ARHGAP18: variants seen among roughly 807,000 people sequenced by gnomAD.
ARHGAP18 encodes Rho GTPase activating protein 18, also known as rho GTPase-activating protein 18.
A neutral mutation model predicts 86.2 loss-of-function variants in ARHGAP18; 67 were observed. The ratio of observed to expected loss-of-function variants is 0.78; its 90% confidence interval spans 0.64 to 0.95. The LOEUF is 0.95. Among genes scored for constraint, ARHGAP18 ranks in the 40% least tolerant of loss-of-function variants. ARHGAP18 has a pLI of 0.00. For synonymous variants in ARHGAP18, 283 were observed against 280.4 expected, an observed-to-expected ratio of 1.01 and a Z score of -0.09; for missense variants, 691 against 780.4, an observed-to-expected ratio of 0.89 and a Z score of 1.37.
intron 12 of ARHGAP18, chr6:129,596,680 C>A: frequency 6.6e-6 from 1 of 152,098 alleles, no homozygotes; most frequent in Non-Finnish European, 1.5e-5. Context: ...CAAAAGCTAC[C>A]CCCAGGCAAT....
intron 10 of ARHGAP18, among the ~76,000 whole-genome samples, chr6:129,603,636 A>G (rs1046726442): frequency 5.9e-5 from 9 of 152,204 alleles, no homozygotes; most frequent in Non-Finnish European, 1.3e-4. Flanking sequence ...AATGTATATA[A>G]TGAGCTTCTT....
chr6:129,664,705 G>C (rs927078331), intron 1 of ARHGAP18, among the ~76,000 whole-genome samples: 1 of 152,138 alleles, frequency 6.6e-6, no homozygotes, highest in African/African-American at 2.4e-5. Context: ...TAAATGCTGG[G>C]GATTTAGTAG....
chr6:129,707,818 A>G (rs1041588518), intron 1 of ARHGAP18, among the ~76,000 whole-genome samples: 2 of 151,810 alleles, frequency 1.3e-5, no homozygotes, highest in African/African-American at 4.8e-5. Context: ...TAGCCTTTTT[A>G]AGAGTTTTGT....
In ARHGAP18 at chr6:129,667,107, A is replaced by T. The variant is rs577174900; in HGVS notation, c.114-25089T>A. 2.4e-4 allele frequency among the ~76,000 whole-genome samples: 37 copies of T among 151,994 alleles called. No individual in the cohort carries two copies. The South Asian group carries it at 3.8e-3, about 15-fold the overall frequency. ...TAATACATTTTCATTTTATAAACTCATTTTTTTTAATCTAAAGGGAGTAAA... is the reference window on the plus strand; with the variant it reads ...TAATACATTTTCATTTTATAAACTCTTTTTTTTTAATCTAAAGGGAGTAAA... On this transcript the variant is annotated intron_variant, in intron 1 of 14. Coordinates refer to ENST00000368149, the MANE Select transcript of ARHGAP18 (RefSeq NM_033515.3).
chr6:129,612,023 A>T (rs1788990627), intron 7 of ARHGAP18, among the ~76,000 whole-genome samples: 1 of 152,230 alleles, frequency 6.6e-6, no homozygotes, highest in Non-Finnish European at 1.5e-5. Context: ...TCCAAGAAAG[A>T]ATTATTTATG....
chr6:129,605,852 T>C (rs1788841366), intron 10 of ARHGAP18, 25 bp downstream of exon 10: 1 of 1,588,442 alleles, frequency 6.3e-7, no homozygotes. Flanking sequence ...CTAAGGGATA[T>C]TTAATGTAAA....
Position 129,596,026 on chromosome 6 carries a change from T to C in ARHGAP18, c.1713+3190A>G, listed in dbSNP as rs376002663. ...GAACCACCATTATCTCTTACCTGGA[T>C]TACAAGAACCTCCCAAATGATCTCC... On this transcript the variant is annotated intron_variant, in intron 12 of 14. Coordinates refer to ENST00000368149, the MANE Select transcript of ARHGAP18 (RefSeq NM_033515.3). Among the ~76,000 whole-genome samples the C allele has an allele frequency of 2.9e-3, 442 of 152,268 alleles. 1 individual carries two copies. Among genetic ancestry groups the C allele is most frequent in the African/African-American group, 9.6e-3 (400 of 41,564 alleles).
intron 1 of ARHGAP18, among the ~76,000 whole-genome samples, chr6:129,654,110 G>C (rs1378665236): frequency 6.6e-6 from 1 of 152,184 alleles, no homozygotes; most frequent in East Asian, 1.9e-4. Flanking sequence ...GCTTTGTTTA[G>C]AGGATAGGAA....
intron 1 of ARHGAP18, chr6:129,662,018 G>A (rs1275221414): frequency 2.4e-5 from 18 of 735,818 alleles, no homozygotes; most frequent in Non-Finnish European, 3.0e-5. Context: ...GAAACCAAGG[G>A]CCCCTCCCAA....
In ARHGAP18 at chr6:129,607,983, C is replaced by CA; in HGVS notation, c.1191dup (p.Asp398Ter). The CA allele has an allele frequency of 6.3e-7, 1 of 1,584,746 alleles. No individual in the cohort carries two copies. The highest frequency in any genetic ancestry group is 8.6e-7 in the Non-Finnish European group (1 of 1,162,664). On this transcript the variant is annotated frameshift_variant, in exon 9 of 15. Coordinates refer to ENST00000368149, the MANE Select transcript of ARHGAP18 (RefSeq NM_033515.3). LOFTEE classifies it high-confidence loss of function. ...AAGAGCTTCAGCAGGCTGGCGGCAT[C>CA]ATGCTGTTTGACACTTTCCCAATTA...
intron 12 of ARHGAP18, among the ~76,000 whole-genome samples, chr6:129,591,766 T>A (rs192590306): frequency 9.8e-5 from 15 of 152,296 alleles, no homozygotes; most frequent in African/African-American, 2.9e-4. Context: ...AAAACCCTTT[T>A]TATCTTCAAA....
rs1270704953 is a variant in ARHGAP18 at position 129,625,749 on chromosome 6, A to C, written c.786+3604T>G. ...ATATATATTTATTATATATTTATAT[A>C]TTATATATTTATATATTATATATAT... On this transcript the variant is annotated intron_variant, in intron 5 of 14. Coordinates refer to ENST00000368149, the MANE Select transcript of ARHGAP18 (RefSeq NM_033515.3). Among the ~76,000 whole-genome samples the C allele has an allele frequency of 6.3e-5, 3 of 47,826 alleles. No homozygotes were observed. The East Asian group carries it at 2.3e-3, about 37-fold the overall frequency. The allele number at this position is 47,826 out of a possible 152,430, so 31.4% of individuals were successfully genotyped here. A position where few individuals can be genotyped will look rare whatever the true frequency, so the allele number is the denominator to read the frequency against.
Position 129,660,190 on chromosome 6 carries a change from A to C in ARHGAP18, c.114-18172T>G, listed in dbSNP as rs533836289. Among the ~76,000 whole-genome samples the C allele has an allele frequency of 1.1e-4, 16 of 152,338 alleles. No homozygotes were observed. In the South Asian group the frequency reaches 3.3e-3, roughly 32 times the overall value. On this transcript the variant is annotated intron_variant, in intron 1 of 14. Coordinates refer to ENST00000368149, the MANE Select transcript of ARHGAP18 (RefSeq NM_033515.3). Reference sequence around the variant, plus strand: ...TACGACAATGGAAAGTTTTTAAACAAGCAAATGTCACTATCAAATTCCTGT... The same window carrying C: ...TACGACAATGGAAAGTTTTTAAACACGCAAATGTCACTATCAAATTCCTGT...
intron 1 of ARHGAP18, among the ~76,000 whole-genome samples, chr6:129,707,064 TAAA>T (rs1165380517): frequency 7.1e-6 from 1 of 140,802 alleles, no homozygotes; most frequent in Admixed American, 7.1e-5. Flanking sequence ...CCGACTCCAC[TAAA>T]AAAAAAAAAT....
intron 1 of ARHGAP18, among the ~76,000 whole-genome samples, chr6:129,671,324 A>G (rs1774137391): frequency 6.6e-6 from 1 of 152,216 alleles, no homozygotes; most frequent in Non-Finnish European, 1.5e-5. Flanking sequence ...TTGGAAAAAA[A>G]TAAGATCAGA....
At chr6:129,642,127 C>T in intron 1 of ARHGAP18, 109 bp from the exon 2 acceptor site, 2 of 891,044 alleles carry the variant, frequency 2.2e-6, no homozygotes, top group South Asian at 3.2e-5. Flanking sequence ...TTAAGTTATC[C>T]TTAATAAAAC....
intron 3 of ARHGAP18, among the ~76,000 whole-genome samples, chr6:129,637,068 T>A (rs1193465159): frequency 1.3e-5 from 2 of 152,046 alleles, no homozygotes. Context: ...GTTGTTGTTG[T>A]TGTTGTTGTT....
At chr6:129,680,314 T>C (rs1369027934) in intron 1 of ARHGAP18, among the ~76,000 whole-genome samples, 2 of 152,180 alleles carry the variant, frequency 1.3e-5, no homozygotes, top group African/African-American at 4.8e-5. Context: ...GCTCCAAACA[T>C]ATCTGAAGAG....
chr6:129,662,044 C>T (rs1773964569), intron 1 of ARHGAP18: 1 of 361,976 alleles, frequency 2.8e-6, no homozygotes, highest in African/African-American at 2.2e-5. Context: ...ACGCAAGCTG[C>T]AGCTCTCTGA....
Sources: allele counts gnomAD v4.1 joint callset (sites outside exome capture counted in the v4.1 genomes callset), GRCh38; gene constraint gnomAD v4.1.1; transcripts MANE v1.5; gene names NCBI Gene and HGNC (gene_info 2026-07-23, HGNC 2026-07-21).